RBMS3: variants seen among roughly 807,000 people sequenced by gnomAD.
RBMS3 encodes the protein RNA-binding motif, single-stranded-interacting protein 3.
Under a neutral mutation model 66.8 loss-of-function variants are expected in RBMS3, and 27 were observed. The ratio of observed to expected loss-of-function variants is 0.40; its 90% CI spans 0.30 to 0.56. The LOEUF (loss-of-function observed/expected upper bound fraction) is 0.56, where lower values mean the gene tolerates loss of function less well. RBMS3 is among the 20% of genes least tolerant of loss of function. The pLI, the probability that RBMS3 is intolerant of heterozygous loss-of-function variation, is 0.40. For synonymous variants in RBMS3, 188 were observed against 183.0 expected (o/e 1.03, Z -0.22); for missense variants, 513 against 549.5 (o/e 0.93, Z 0.66).
At chr3:29,420,243 C>T (rs564256273) in intron 1 of RBMS3, among the ~76,000 whole-genome samples, 220 of 152,284 alleles carry the variant, frequency 1.4e-3, no homozygotes, top group African/African-American at 4.9e-3. Context: ...CTGTGCATTC[C>T]GCCCACATAT....
chr3:29,408,895 T>C (rs1342908701), intron 1 of RBMS3, among the ~76,000 whole-genome samples: 1 of 152,216 alleles, frequency 6.6e-6, no homozygotes, highest in Non-Finnish European at 1.5e-5. Flanking sequence ...CAACTTAAAA[T>C]TCCTTTCTTT....
chr3:29,618,771 C>T (rs2059151286), intron 4 of RBMS3, among the ~76,000 whole-genome samples: 1 of 152,148 alleles, frequency 6.6e-6, no homozygotes, highest in Non-Finnish European at 1.5e-5. Context: ...TTTCTAAATG[C>T]CGTAATAATT....
intron 1 of RBMS3, among the ~76,000 whole-genome samples, chr3:29,295,043 ATGCAAGATAACGT>A (rs2033129404): frequency 6.6e-6 from 1 of 151,578 alleles, no homozygotes; most frequent in South Asian, 2.1e-4. Flanking sequence ...ATCTAAACTA[ATGCAAGATAACGT>A]TAGATGAAAT....
chr3:29,738,640 A>T (rs1312961836), intron 4 of RBMS3, among the ~76,000 whole-genome samples: 1 of 152,186 alleles, frequency 6.6e-6, no homozygotes, highest in African/African-American at 2.4e-5. Context: ...TAGGATGGCA[A>T]TTCTCAAACT....
At chr3:29,383,011 T>C (rs2125627297) in intron 1 of RBMS3, among the ~76,000 whole-genome samples, 1 of 152,298 alleles carries the variant, frequency 6.6e-6, no homozygotes, top group African/African-American at 2.4e-5. Context: ...GTTCAATGGG[T>C]CAGGTGTAAC....
intron 4 of RBMS3, chr3:29,697,135 C>T (rs2052316407): frequency 2.0e-6 from 2 of 981,332 alleles, no homozygotes; most frequent in South Asian, 9.4e-5. Flanking sequence ...GTTTTTATTT[C>T]TTATACAGTA....
intron 4 of RBMS3, among the ~76,000 whole-genome samples, chr3:29,605,677 T>C (rs2048298728): frequency 6.6e-6 from 1 of 151,960 alleles, no homozygotes; most frequent in Admixed American, 6.6e-5. Flanking sequence ...TCAGTTATGC[T>C]TGACTTTGGC....
At chr3:29,754,083 G>A (rs1476051862) in intron 5 of RBMS3, among the ~76,000 whole-genome samples, 2 of 151,092 alleles carry the variant, frequency 1.3e-5, no homozygotes, top group South Asian at 2.1e-4. Context: ...TCAGCCTCCC[G>A]AGTAGCTGAG....
chr3:29,373,420 G>T (rs1337954399), intron 1 of RBMS3, among the ~76,000 whole-genome samples: 2 of 152,226 alleles, frequency 1.3e-5, no homozygotes, highest in Non-Finnish European at 2.9e-5. Context: ...AGGAATAATT[G>T]TGATTCAGCA....
intron 1 of RBMS3, among the ~76,000 whole-genome samples, chr3:29,308,800 CAAAAAA>C (rs10706270): frequency 7.7e-6 from 1 of 130,494 alleles, no homozygotes; most frequent in African/African-American, 2.9e-5. Context: ...AAAATTTTGT[CAAAAAA>C]AAAAAAAAAG....
intron 3 of RBMS3, among the ~76,000 whole-genome samples, chr3:29,550,336 T>C (rs954250079): frequency 2.6e-5 from 4 of 152,206 alleles, no homozygotes; most frequent in Non-Finnish European, 4.4e-5. Context: ...TTATAAAATA[T>C]AGGATGCTCA....
chr3:29,532,389 A>ATTC (rs1559445066), intron 3 of RBMS3, among the ~76,000 whole-genome samples: 1 of 151,474 alleles, frequency 6.6e-6, no homozygotes, highest in East Asian at 2.0e-4. Context: ...CTTAGGTACC[A>ATTC]TTCTGCTTTG....
At chr3:29,478,088 G>T (rs1254090308) in intron 2 of RBMS3, among the ~76,000 whole-genome samples, 1 of 152,110 alleles carries the variant, frequency 6.6e-6, no homozygotes, top group African/African-American at 2.4e-5. Context: ...TTTGGAGGAG[G>T]TTAGAATGAA....
intron 10 of RBMS3, among the ~76,000 whole-genome samples, chr3:29,912,860 C>T (rs967642957): frequency 6.6e-6 from 1 of 151,908 alleles, no homozygotes; most frequent in African/African-American, 2.4e-5. Flanking sequence ...ATAGTTTCAC[C>T]TAGGTACAGG....
chr3:29,519,069 C>T (rs995096868), intron 3 of RBMS3, among the ~76,000 whole-genome samples: 2 of 152,198 alleles, frequency 1.3e-5, no homozygotes, highest in African/African-American at 4.8e-5. Context: ...ATAGCATGAA[C>T]TGGCAATGTG....
intron 6 of RBMS3, among the ~76,000 whole-genome samples, chr3:29,858,108 A>G (rs550790854): frequency 6.6e-6 from 1 of 152,342 alleles, no homozygotes; most frequent in African/African-American, 2.4e-5. Context: ...CATTTTTGAA[A>G]GAAATCATAA....
At chr3:29,392,964 A>T (rs1225551059) in intron 1 of RBMS3, among the ~76,000 whole-genome samples, 2 of 152,092 alleles carry the variant, frequency 1.3e-5, no homozygotes, top group Admixed American at 1.3e-4. Context: ...TTTCACCTAA[A>T]TGTCAGGGTC....
intron 1 of RBMS3, among the ~76,000 whole-genome samples, chr3:29,382,927 A>C (rs955621297): frequency 1.3e-5 from 2 of 152,210 alleles, no homozygotes; most frequent in Admixed American, 6.5e-5. Flanking sequence ...TCATAGGCTC[A>C]TCTGTATGTA....
intron 2 of RBMS3, among the ~76,000 whole-genome samples, chr3:29,439,593 T>TTA (rs10524188): frequency 2.7e-5 from 4 of 149,122 alleles, no homozygotes; most frequent in Non-Finnish European, 4.5e-5. Context: ...GTTAATCTCT[T>TTA]TTTATTTATT....
Sources: allele counts gnomAD v4.1 joint callset (sites outside exome capture counted in the v4.1 genomes callset), GRCh38; gene constraint gnomAD v4.1.1; transcripts MANE v1.5; gene names NCBI Gene and HGNC (gene_info 2026-07-23, HGNC 2026-07-21).